The following SPATS2 variants were observed in gnomAD, a reference collection of about 807,000 sequenced individuals.
The protein encoded by SPATS2 is spermatogenesis associated serine rich 2, also known as spermatogenesis-associated serine-rich protein 2.
A neutral mutation model predicts 63.7 loss-of-function variants in SPATS2; 38 were observed. That is an observed-to-expected ratio of 0.60 (90% CI 0.46 to 0.78). SPATS2 has a LOEUF of 0.78. Among genes scored for constraint, SPATS2 ranks in the 30% least tolerant of loss-of-function variants. SPATS2 has a pLI of 0.00. For missense variants in SPATS2, 588 were observed against 666.2 expected, an observed-to-expected ratio of 0.88 and a Z score of 1.29; for synonymous variants, 207 against 232.9, an observed-to-expected ratio of 0.89 and a Z score of 1.01.
At chr12:49,451,211 T>G (rs1308528995) in intron 2 of SPATS2, among the ~76,000 whole-genome samples, 3 of 152,254 alleles carry the variant, frequency 2.0e-5, no homozygotes, top group African/African-American at 7.2e-5. Context: ...CTTTTTCTGT[T>G]TGTTTGTACC....
At chr12:49,380,065 T>C (rs1022643311) in intron 2 of SPATS2, among the ~76,000 whole-genome samples, 6 of 152,326 alleles carry the variant, frequency 3.9e-5, no homozygotes, top group Admixed American at 1.3e-4. Flanking sequence ...TTCAAATAAA[T>C]GGAATCACAC....
At chr12:49,453,383 G>C (rs1945659856) in intron 2 of SPATS2, among the ~76,000 whole-genome samples, 1 of 151,976 alleles carries the variant, frequency 6.6e-6, no homozygotes, top group South Asian at 2.1e-4. Flanking sequence ...GAGGGTTTTC[G>C]TTGCTTTATT....
chr12:49,486,450 C>G (rs745722476), intron 4 of SPATS2: 60 of 243,032 alleles, frequency 2.5e-4, no homozygotes, highest in Non-Finnish European at 3.8e-4. Context: ...CCACCCACCT[C>G]GGCCTCCCAA....
chr12:49,484,108 A>G (rs973233426), intron 3 of SPATS2, among the ~76,000 whole-genome samples: 1 of 152,164 alleles, frequency 6.6e-6, no homozygotes, highest in African/African-American at 2.4e-5. Flanking sequence ...CAAGCATTAT[A>G]TTAGGGACAC....
intron 2 of SPATS2, among the ~76,000 whole-genome samples, chr12:49,378,270 ATTTT>A (rs1269526209): frequency 7.8e-6 from 1 of 127,874 alleles, no homozygotes; most frequent in Non-Finnish European, 1.7e-5. Flanking sequence ...TGTTTATTTT[ATTTT>A]ATTTTATTTT....
rs766115748 is a variant in SPATS2, at chr12:49,525,926, G to C, written c.1327-18G>C. ...ATAATGCTAGAGCACCTTGAACATT[G>C]TATTCTTTCATCTTTAGGTATTGCC... On this transcript the variant is annotated intron_variant, in intron 13 of 13. Coordinates refer to ENST00000552918, the MANE Select transcript of SPATS2 (RefSeq NM_023071.4). 2.5e-5 allele frequency: 40 copies of C among 1,608,582 alleles called. 1 individual carries two copies. The highest frequency in any genetic ancestry group is 3.2e-5 in the Non-Finnish European group (38 of 1,176,884).
rs541529587 is a variant in SPATS2 at position 49,460,971 on chromosome 12, G to T, written c.-42G>T. The T allele has an allele frequency of 6.2e-7, 1 of 1,611,774 alleles. No homozygotes were observed. The highest frequency in any genetic ancestry group is 1.1e-5 in the South Asian group (1 of 90,732). ...CACTCAAAACCCAGACAAGGCAAAA[G>T]GATACTTTTCTTGTATATTTTTTGA... is the stretch of plus-strand genomic sequence containing the variant. On this transcript the variant is annotated 5_prime_UTR_variant, in exon 3 of 14. In the 5' UTR this introduces an upstream ATG that the reference lacks. Transcript: ENST00000552918.
chr12:49,402,973 A>G (rs1944632751), intron 2 of SPATS2, among the ~76,000 whole-genome samples: 1 of 152,156 alleles, frequency 6.6e-6, no homozygotes. Flanking sequence ...GGTTTAAGAT[A>G]TAGGGGATTT....
chr12:49,393,884 G>T (rs1411750716), intron 2 of SPATS2, among the ~76,000 whole-genome samples: 1 of 151,980 alleles, frequency 6.6e-6, no homozygotes, highest in Non-Finnish European at 1.5e-5. Context: ...TCCCTATGTT[G>T]CCCAGGCTGG....
At chr12:49,482,296 C>A (rs1278558191) in intron 3 of SPATS2, among the ~76,000 whole-genome samples, 8 of 152,224 alleles carry the variant, frequency 5.3e-5, no homozygotes, top group Non-Finnish European at 1.2e-4. Flanking sequence ...GCAGCATTGG[C>A]AGGAGATTCC....
intron 9 of SPATS2, among the ~76,000 whole-genome samples, chr12:49,510,138 C>G (rs1946726403): frequency 6.6e-6 from 1 of 150,896 alleles, no homozygotes; most frequent in Non-Finnish European, 1.5e-5. Flanking sequence ...GTAGCACACA[C>G]CTTTAATCCT....
At chr12:49,474,216 A>G (rs1008616628) in intron 3 of SPATS2, among the ~76,000 whole-genome samples, 1 of 152,248 alleles carries the variant, frequency 6.6e-6, no homozygotes, top group African/African-American at 2.4e-5. Flanking sequence ...TATCTTCACA[A>G]GTTTAACACT....
rs374735028 is a variant in SPATS2 at position 49,494,839 on chromosome 12, G to A, written c.363G>A (p.Ala121=). ...KSVSIQEEQS[A]PSSEKGGMNG... ...TTTCCATTCAAGAGGAACAGTCTGC[G>A]CCTTCCTCAGAGAAAGGTGGTATGA... The change falls in exon 7 of 14, where the codon GCG becomes GCA. Residue 121 remains alanine (A), a synonymous_variant. Coordinates refer to ENST00000552918, the MANE Select transcript of SPATS2 (RefSeq NM_023071.4). 51 of 1,613,668 alleles carry A rather than the reference G, an allele frequency of 3.2e-5. No individual in the cohort carries two copies. The highest frequency in any genetic ancestry group is 8.3e-5 in the Admixed American group (5 of 59,888).
chr12:49,521,703 C>T (rs900556608), intron 11 of SPATS2, among the ~76,000 whole-genome samples: 4 of 152,010 alleles, frequency 2.6e-5, no homozygotes, highest in Admixed American at 6.6e-5. Flanking sequence ...ATTTTATTTC[C>T]GTCATTCCTA....
rs1945442679 is a variant in SPATS2, at chr12:49,442,785, T to TA, written c.-243-17985_-243-17984insA. 65 of 62,920 alleles carry TA rather than the reference T, an allele frequency of 1.0e-3. 10 individuals are homozygous for TA. Among genetic ancestry groups the TA allele is most frequent in the African/African-American group, 2.5e-3 (60 of 23,830 alleles). 3.9% of individuals were successfully genotyped at this position (62,920 alleles called of 1,614,324 possible). ...GGCAACAGAGAGAGACCATGTCTCC[T>TA]TAAAAAAAAAAAAAAAAAAAAAAAA... On this transcript the variant is annotated intron_variant, in intron 2 of 13. Coordinates refer to ENST00000552918, the MANE Select transcript of SPATS2 (RefSeq NM_023071.4).
At chr12:49,421,571 A>G (rs1185509224) in intron 2 of SPATS2, among the ~76,000 whole-genome samples, 1 of 152,182 alleles carries the variant, frequency 6.6e-6, no homozygotes, top group African/African-American at 2.4e-5. Flanking sequence ...CCTAGTTTCC[A>G]TCGAAGATGC....
chr12:49,508,988 G>A (rs924833018), intron 9 of SPATS2, among the ~76,000 whole-genome samples: 4 of 151,976 alleles, frequency 2.6e-5, no homozygotes, highest in African/African-American at 9.6e-5. Context: ...TGCTTGAACC[G>A]GGGACGCAAA....
intron 2 of SPATS2, among the ~76,000 whole-genome samples, chr12:49,385,383 T>TGTGTGTGTGG (rs1944296412): frequency 1.3e-5 from 2 of 150,718 alleles, no homozygotes; most frequent in Admixed American, 1.3e-4. Flanking sequence ...TGTGTGTGTG[T>TGTGTGTGTGG]GTGTGTGGCA....
chr12:49,387,364 T>C (rs1944334824), intron 2 of SPATS2, among the ~76,000 whole-genome samples: 1 of 150,736 alleles, frequency 6.6e-6, no homozygotes, highest in African/African-American at 2.4e-5. Context: ...AGGCCAGGCG[T>C]GGTGGCTCAT....
Sources: allele counts gnomAD v4.1 joint callset (sites outside exome capture counted in the v4.1 genomes callset), GRCh38; gene constraint gnomAD v4.1.1; transcripts MANE v1.5; gene names NCBI Gene and HGNC (gene_info 2026-07-23, HGNC 2026-07-21).